Variants in SRP14 observed in about 807,000 individuals in gnomAD.
The protein encoded by SRP14 is signal recognition particle 14 kDa protein.
In SRP14, 1 loss-of-function variant was observed where a neutral mutation model predicts 16.0. The observed-to-expected ratio is 0.06, with a 90% CI of 0.02 to 0.30. SRP14 has a LOEUF of 0.30. SRP14 is among the 10% of genes least tolerant of loss of function. The pLI, the probability that SRP14 is intolerant of heterozygous loss-of-function variation, is 1.00. For synonymous variants in SRP14, 67 were observed against 60.1 expected, an observed-to-expected ratio of 1.12 and a Z score of -0.53; for missense variants, 120 against 163.1, an observed-to-expected ratio of 0.74 and a Z score of 1.44.
At chr15:40,036,738 G>T (rs2035629819) in intron 4 of SRP14, 1 of 632,316 alleles carries the variant, frequency 1.6e-6, no homozygotes, top group East Asian at 2.7e-5. Context: ...AAAATTGCAG[G>T]CAACTTCTTG....
At chr15:40,036,683 C>CTGTCTGTGGGTGTTGCAGA in intron 4 of SRP14, 183 bp from the exon 5 acceptor site, 1 of 707,022 alleles carries the variant, frequency 1.4e-6, no homozygotes, top group Non-Finnish European at 2.4e-6. Flanking sequence ...GCTTCTGCAA[C>CTGTCTGTGGGTGTTGCAGA]ACCCACAGAC....
At position 40,039,148 on chromosome 15, in the gene SRP14, AAGCCCCT is replaced by A. The variant is rs2035681576; in HGVS notation, c.-39_-33del. 3 of 1,604,228 alleles carry A rather than the reference AAGCCCCT, an allele frequency of 1.9e-6. No homozygotes were observed. Among genetic ancestry groups the A allele is most frequent in the Middle Eastern group, 1.7e-4 (1 of 6,044 alleles). ...GACGCTGGCTCGACTCCCTCCGCTT[AAGCCCCT>A]AGCAGTGAGAGCCGGAAGTTCGGCC... is the stretch of plus-strand genomic sequence containing the variant. On this transcript the variant is annotated 5_prime_UTR_variant, in exon 1 of 5. Coordinates refer to ENST00000267884, the MANE Select transcript of SRP14 (RefSeq NM_003134.6).
At position 40,036,404 on chromosome 15, in the gene SRP14, C is replaced by T. The variant is rs777733445; in HGVS notation, c.340G>A (p.Ala114Thr). Residue 114 changes from alanine to threonine, a missense_variant, in exon 5 of 5, where the codon GCA (alanine) becomes ACA (threonine). This residue lies in a region of SRP14 where 43 missense variants were observed against 37.0 expected (regional missense o/e 1.16). Coordinates refer to ENST00000267884, the MANE Select transcript of SRP14 (RefSeq NM_003134.6). ...GTTGCTGCTGCGGCAGGTGCTGCTGCTGCTGCTGCTGCTGCTGCTTTGGTC... is the reference window on the plus strand; with the variant it reads ...GTTGCTGCTGCGGCAGGTGCTGCTGTTGCTGCTGCTGCTGCTGCTTTGGTC... ...KKTKAAAAAA[A>T]AAPAAAATAP... is the part of the protein sequence containing the mutation. 26 of 1,608,292 alleles carry T rather than the reference C, an allele frequency of 1.6e-5. No homozygotes were observed. The highest frequency in any genetic ancestry group is 1.9e-5 in the Non-Finnish European group (22 of 1,176,996).
At chr15:40,038,984 C>T in intron 1 of SRP14, 36 bp from the exon 2 acceptor site, 1 of 1,606,702 alleles carries the variant, frequency 6.2e-7, no homozygotes, top group African/African-American at 1.3e-5. Flanking sequence ...TTAGCCAGCC[C>T]CAAATCCTCG....
rs1264649599 is a variant in SRP14, at chr15:40,038,904, C to G, written c.69G>C (p.Ser23=). Residue 23 remains serine (S), a synonymous_variant, in exon 2 of 5, where the codon TCG becomes TCC. Transcript: ENST00000267884. ...LTRLFQKCRT[S]GSVYITLKKY... ...TCTTCAAGGTGATATAGACGCTGCC[C>G]GACGTCCGGCACTTCTGGAAAAGTC... 6 of 1,613,604 alleles carry G rather than the reference C, an allele frequency of 3.7e-6. No individual in the cohort carries two copies. In the East Asian group the frequency reaches 8.9e-5, roughly 24 times the overall value.
At chr15:40,036,613 C>A in intron 4 of SRP14, 113 bp from the exon 5 acceptor site, 1 of 1,014,146 alleles carries the variant, frequency 9.9e-7, no homozygotes, top group Non-Finnish European at 1.5e-6. Flanking sequence ...GAATATAGCA[C>A]CATTGGACAC....
Position 40,036,395 on chromosome 15 carries a change from G to C in SRP14, c.349C>G (p.Pro117Ala), listed in dbSNP as rs1337698987. The change falls in exon 5 of 5, where the codon CCT becomes GCT. Residue 117 changes from proline (P) to alanine (A), a missense_variant. This residue lies in a region of SRP14 where 43 missense variants were observed against 37.0 expected (regional missense o/e 1.16). Transcript: ENST00000267884. ...GTTGGTGCTGTTGCTGCTGCGGCAG[G>C]TGCTGCTGCTGCTGCTGCTGCTGCT... ...KAAAAAAAAAPAAAATAPTTA... is the reference protein window; with the variant it reads ...KAAAAAAAAAAAAAATAPTTA... 5 of 1,487,848 alleles carry C rather than the reference G, an allele frequency of 3.4e-6. No homozygotes were observed. The highest frequency in any genetic ancestry group is 1.2e-5 in the South Asian group (1 of 84,202). The allele number at this position is 1,487,848 out of a possible 1,614,324, so 92.2% of individuals were successfully genotyped here. A position where few individuals can be genotyped will look rare whatever the true frequency, so the allele number is the denominator to read the frequency against.
Position 40,036,013 on chromosome 15 carries a change from G to C in SRP14, c.*320C>G, listed in dbSNP as rs935810679. 1.8e-5 allele frequency: 6 copies of C among 327,838 alleles called. No homozygotes were observed. The highest frequency in any genetic ancestry group is 2.8e-5 in the Non-Finnish European group (5 of 181,230). 20.3% of individuals were successfully genotyped at this position (327,838 alleles called of 1,614,324 possible). A position where few individuals can be genotyped will look rare whatever the true frequency, so the allele number is the denominator to read the frequency against. On this transcript the variant is annotated 3_prime_UTR_variant, in exon 5 of 5. Coordinates refer to ENST00000267884, the MANE Select transcript of SRP14 (RefSeq NM_003134.6). Reference sequence around the variant, plus strand: ...AGTTATTGCCAGAACTATTAAAATGGGTTGGGAAAGGAATAAAGAGACAGT... The same window carrying C: ...AGTTATTGCCAGAACTATTAAAATGCGTTGGGAAAGGAATAAAGAGACAGT...
chr15:40,035,996 C>T lies in SRP14; in HGVS notation c.*337G>A, dbSNP rs2035613594. The T allele has an allele frequency of 3.5e-6, 1 of 281,920 alleles. No individual in the cohort carries two copies. 17.5% of individuals were successfully genotyped at this position (281,920 alleles called of 1,614,324 possible). On this transcript the variant is annotated 3_prime_UTR_variant, in exon 5 of 5. Transcript: ENST00000267884. ...ATCATTCTAGATTTAGTAGTTATTG[C>T]CAGAACTATTAAAATGGGTTGGGAA... is the stretch of plus-strand genomic sequence containing the variant.
At position 40,038,929 on chromosome 15, in the gene SRP14, C is replaced by T; in HGVS notation, c.44G>A (p.Arg15Lys). ...CGACGTCCGGCACTTCTGGAAAAGT[C>T]TGGTCAGCTCCGTCAGGAACTGGAA... The part of the protein sequence containing the change: ...ESEQFLTELT[R>K]LFQKCRTSGS... Residue 15 changes from arginine to lysine, a missense_variant, in exon 2 of 5, where the codon AGA (arginine) becomes AAA (lysine). Arg to Lys is a conservative substitution (Grantham distance 26, BLOSUM62 2). Coordinates refer to ENST00000267884, the MANE Select transcript of SRP14 (RefSeq NM_003134.6). 6.2e-7 allele frequency: 1 copy of T among 1,612,742 alleles called. No individual in the cohort carries two copies. The highest frequency in any genetic ancestry group is 8.5e-7 in the Non-Finnish European group (1 of 1,179,436).
rs2035676084 is a variant in SRP14 at position 40,038,964 on chromosome 15, C to CCCAGCCCCGTTAG, written c.25-29_25-17dup. 2 of 1,610,032 alleles carry CCCAGCCCCGTTAG rather than the reference C, an allele frequency of 1.2e-6. No individual in the cohort carries two copies. Among genetic ancestry groups the CCCAGCCCCGTTAG allele is most frequent in the African/African-American group, 1.3e-5 (1 of 74,764 alleles). ...CCGTCAGGAACTGGAAAACAACAGG[C>CCCAGCCCCGTTAG]CCAGCCCCGTTAGCCAGCCCCAAAT... On this transcript the variant is annotated splice_polypyrimidine_tract_variant and intron_variant, in intron 1 of 4. Coordinates refer to ENST00000267884, the MANE Select transcript of SRP14 (RefSeq NM_003134.6).
At chr15:40,038,206 T>C (rs540627233) in intron 3 of SRP14, 76 bp downstream of exon 3, 2 of 1,192,870 alleles carry the variant, frequency 1.7e-6, no homozygotes, top group African/African-American at 1.5e-5. Context: ...AATAAAAGCC[T>C]GGTTCAGAAA....
intron 3 of SRP14, chr15:40,037,486 G>A (rs1327626994): frequency 8.4e-6 from 4 of 474,280 alleles, no homozygotes; most frequent in African/African-American, 2.1e-5. Context: ...AGCACAATGC[G>A]AGCTACCACA....
intron 2 of SRP14, 91 bp from the exon 3 acceptor site, chr15:40,038,485 G>A: frequency 2.3e-6 from 2 of 882,186 alleles, no homozygotes; most frequent in Non-Finnish European, 3.8e-6. Flanking sequence ...GGTAAGTGAT[G>A]ACCTAACCCA....
chr15:40,037,279 G>GAAAATAAAAAAAAAA, intron 3 of SRP14: 2 of 740,792 alleles, frequency 2.7e-6, no homozygotes, highest in South Asian at 2.8e-5. Flanking sequence ...TCCTTTTGGG[G>GAAAATAAAAAAAAAA]AAAAAAAAAA....
chr15:40,038,294 C>G lies in SRP14; in HGVS notation c.198G>C (p.Lys66Asn). The G allele has an allele frequency of 6.2e-7, 1 of 1,612,808 alleles. No homozygotes were observed. Among genetic ancestry groups the G allele is most frequent in the South Asian group, 1.1e-5 (1 of 91,054 alleles). ...AAATTAAGCTCACCACAGTGCTGAT[C>G]TTCTTCTTCCCATCGGTAGCTCTTA... ...CLLRATDGKK[K>N]ISTVVSSKEV... Residue 66 changes from lysine to asparagine, a missense_variant, in exon 3 of 5, where the codon AAG (lysine) becomes AAC (asparagine). Physicochemically the swap from Lys to Asn is moderately conservative, Grantham distance 94 (BLOSUM62 0). Transcript: ENST00000267884.
At position 40,039,102 on chromosome 15, in the gene SRP14, C is replaced by T. The variant is rs368363178; in HGVS notation, c.15G>A (p.Glu5=). The change falls in exon 1 of 5, where the codon GAG becomes GAA. Residue 5 remains glutamate (E), a synonymous_variant. Transcript: ENST00000267884. MVLL[E]SEQFLTELTR... is the part of the protein sequence containing the mutation. ...CCAGGCCTAGCCATACCTGCTCGCT[C>T]TCCAACAACACCATCGCGGCGACGC... 9.9e-6 allele frequency: 16 copies of T among 1,612,744 alleles called. No individual in the cohort carries two copies. The highest frequency in any genetic ancestry group is 1.6e-4 in the Middle Eastern group (1 of 6,082).
Position 40,036,789 on chromosome 15 carries a change from C to A in SRP14, c.243+197G>T, listed in dbSNP as rs540815681. 2.2e-5 allele frequency: 15 copies of A among 680,326 alleles called. No homozygotes were observed. The South Asian group carries it at 2.8e-4, about 13-fold the overall frequency. 42.1% of individuals were successfully genotyped at this position (680,326 alleles called of 1,614,324 possible). On this transcript the variant is annotated intron_variant, in intron 4 of 4. Coordinates refer to ENST00000267884, the MANE Select transcript of SRP14 (RefSeq NM_003134.6). ...GGTAGCATATATCTACAGCCTAAGA[C>A]AAAATCTAACTTAAAAAAACTAGAA...
intron 4 of SRP14, 71 bp downstream of exon 4, chr15:40,036,915 C>T (rs748493355): frequency 6.5e-7 from 1 of 1,537,954 alleles, no homozygotes; most frequent in East Asian, 2.2e-5. Context: ...AAGTATCAAT[C>T]TTACCCAGTG....
Sources: gnomAD v4.1 joint callset for allele counts on GRCh38, gnomAD v4.1.1 for gene constraint, gnomAD v4.1.1 regional missense constraint, MANE v1.5 for transcripts, NCBI Gene and HGNC (gene_info 2026-07-23, HGNC 2026-07-21) for gene names.